ASIC2: variants seen among roughly 807,000 people sequenced by gnomAD.
ASIC2 encodes the protein acid sensing ion channel subunit 2.
ASIC2 carries 25 observed loss-of-function variants against 57.3 expected under a neutral mutation model. The ratio of observed to expected loss-of-function variants is 0.44; its 90% CI spans 0.32 to 0.61. ASIC2 has a LOEUF of 0.61. Ranked by LOEUF, ASIC2 falls within the 20% of genes least tolerant of loss-of-function variation. ASIC2 has a pLI of 0.06. For missense variants in ASIC2, 641 were observed against 738.1 expected (o/e 0.87, Z 1.52); for synonymous variants, 319 against 307.5 (o/e 1.04, Z -0.39).
At chr17:33,580,288 C>T (rs147726007) in intron 1 of ASIC2, 4 of 152,308 alleles carry the variant, frequency 2.6e-5, no homozygotes, top group Admixed American at 6.5e-5. Flanking sequence ...GACTCAAAGT[C>T]AGGAGTGCAG....
chr17:33,575,577 G>T (rs1005589980), intron 1 of ASIC2, among the ~76,000 whole-genome samples: 2 of 152,190 alleles, frequency 1.3e-5, no homozygotes, highest in East Asian at 1.9e-4. Flanking sequence ...GCCTACCTAT[G>T]GTTTGTCCTC....
At chr17:34,014,923 C>T (rs1319517928) in intron 1 of ASIC2, among the ~76,000 whole-genome samples, 1 of 150,202 alleles carries the variant, frequency 6.7e-6, no homozygotes, top group Non-Finnish European at 1.5e-5. Flanking sequence ...CTTGCTCTGT[C>T]ACCCAGGCTG....
chr17:33,673,110 G>A (rs1567685316), intron 1 of ASIC2, among the ~76,000 whole-genome samples: 1 of 152,208 alleles, frequency 6.6e-6, no homozygotes, highest in Non-Finnish European at 1.5e-5. Context: ...AGAGGCGGCA[G>A]CATTACAAAG....
Position 34,051,818 on chromosome 17 carries a change from AACACACACACACACACAC to A in ASIC2, c.555+104142_555+104159del, listed in dbSNP as rs35015333. 2.0e-5 allele frequency: 3 copies of A among 147,632 alleles called. No homozygotes were observed. The South Asian group carries it at 6.6e-4, about 32-fold the overall frequency. 9.1% of individuals were successfully genotyped at this position (147,632 alleles called of 1,614,324 possible). On this transcript the variant is annotated intron_variant, in intron 1 of 9. Transcript: ENST00000359872. ...ATTCTAAAATAATTAGAATTTTCTG[AACACACACACACACACAC>A]ACACACACACATACACACACACAGA...
At chr17:33,666,810 C>A (rs531515107) in intron 1 of ASIC2, among the ~76,000 whole-genome samples, 2 of 152,164 alleles carry the variant, frequency 1.3e-5, no homozygotes, top group Non-Finnish European at 2.9e-5. Context: ...AGGTCTGCTG[C>A]CCCAGAATCG....
Position 33,716,187 on chromosome 17 carries a change from C to T in ASIC2, c.555+439791G>A, listed in dbSNP as rs189378652. Among the ~76,000 whole-genome samples, 100 of 152,280 alleles carry T rather than the reference C, an allele frequency of 6.6e-4. 1 individual carries two copies. Among genetic ancestry groups the T allele is most frequent in the Admixed American group, 6.0e-3 (91 of 15,294 alleles). On this transcript the variant is annotated intron_variant, in intron 1 of 9. Coordinates refer to the ASIC2 transcript ENST00000359872. ...CCTTCTAACTGGTTCATCCTGACAC[C>T]CCACTGTTTTCAATGTCATCTCCAT... is the stretch of plus-strand genomic sequence containing the variant.
At chr17:33,926,911 T>C (rs1458655039) in intron 1 of ASIC2, among the ~76,000 whole-genome samples, 1 of 152,194 alleles carries the variant, frequency 6.6e-6, no homozygotes, top group Non-Finnish European at 1.5e-5. Context: ...CACTGTCATC[T>C]TGGTGCTCAA....
At chr17:34,080,788 G>A (rs1329931974) in intron 1 of ASIC2, 1 of 152,198 alleles carries the variant, frequency 6.6e-6, no homozygotes, top group African/African-American at 2.4e-5. Context: ...CAATATCATT[G>A]AATGAATTAG....
intron 1 of ASIC2, among the ~76,000 whole-genome samples, chr17:33,526,207 T>C (rs917480700): frequency 4.4e-4 from 67 of 152,292 alleles, no homozygotes; most frequent in African/African-American, 1.6e-3. Flanking sequence ...CAGCCTTTTC[T>C]GGAGCAACAT....
intron 6 of ASIC2, among the ~76,000 whole-genome samples, chr17:33,023,489 CAAA>C (rs34453291): frequency 8.0e-6 from 1 of 124,474 alleles, no homozygotes; most frequent in African/African-American, 2.9e-5. Context: ...GGCTCCATCT[CAAA>C]AAAAAAAAAA....
intron 1 of ASIC2, among the ~76,000 whole-genome samples, chr17:33,339,007 TA>T (rs1907629556): frequency 6.6e-6 from 1 of 152,080 alleles, no homozygotes; most frequent in African/African-American, 2.4e-5. Flanking sequence ...TGTACGACAA[TA>T]TGAATATATT....
chr17:34,139,521 C>T (rs534473051), intron 1 of ASIC2, among the ~76,000 whole-genome samples: 9 of 152,092 alleles, frequency 5.9e-5, no homozygotes, highest in Admixed American at 1.3e-4. Flanking sequence ...ACGTGGTATA[C>T]GATGAATGCG....
chr17:34,039,752 T>C (rs1908034517), intron 1 of ASIC2: 1 of 1,612,046 alleles, frequency 6.2e-7, no homozygotes, highest in African/African-American at 1.3e-5. Context: ...GATCCGACGC[T>C]GCACAAGCTC....
At chr17:34,122,433 A>T (rs987231863) in intron 1 of ASIC2, among the ~76,000 whole-genome samples, 1 of 152,232 alleles carries the variant, frequency 6.6e-6, no homozygotes, top group African/African-American at 2.4e-5. Context: ...TTCACGGTTC[A>T]TCGGAATGCA....
chr17:33,621,144 A>G (rs759173996), intron 1 of ASIC2, among the ~76,000 whole-genome samples: 7 of 152,066 alleles, frequency 4.6e-5, no homozygotes, highest in African/African-American at 7.2e-5. Context: ...CATTCCCATC[A>G]CATCGTCTTG....
intron 1 of ASIC2, among the ~76,000 whole-genome samples, chr17:33,308,584 T>C (rs1486925912): frequency 6.6e-6 from 1 of 152,212 alleles, no homozygotes; most frequent in Non-Finnish European, 1.5e-5. Flanking sequence ...CTGTAGGTAT[T>C]CAATAACTTT....
intron 1 of ASIC2, among the ~76,000 whole-genome samples, chr17:33,861,875 G>A (rs894484268): frequency 6.6e-6 from 1 of 152,178 alleles, no homozygotes; most frequent in Non-Finnish European, 1.5e-5. Flanking sequence ...TCAGTTTCAA[G>A]CAATGGCAAA....
intron 1 of ASIC2, among the ~76,000 whole-genome samples, chr17:33,548,571 A>G (rs1259788224): frequency 2.0e-5 from 3 of 152,180 alleles, no homozygotes; most frequent in African/African-American, 7.2e-5. Context: ...CTGGGAGTCT[A>G]CAGGCCTGGG....
chr17:33,996,205 T>G (rs1311973068), intron 1 of ASIC2, among the ~76,000 whole-genome samples: 2 of 152,222 alleles, frequency 1.3e-5, no homozygotes, highest in East Asian at 3.8e-4. Context: ...GTTATTTGTT[T>G]TCTTGCTATT....
Sources: allele counts gnomAD v4.1 joint callset (sites outside exome capture counted in the v4.1 genomes callset), GRCh38; gene constraint gnomAD v4.1.1; transcripts MANE v1.5; gene names NCBI Gene and HGNC (gene_info 2026-07-23, HGNC 2026-07-21).